BTNL2: variants seen among roughly 807,000 people sequenced by gnomAD.
The protein encoded by BTNL2 is butyrophilin like 2.
Under a neutral mutation model 46.8 loss-of-function variants are expected in BTNL2, and 46 were observed. The ratio of observed to expected loss-of-function variants is 0.98; its 90% CI spans 0.78 to 1.26. The LOEUF is 1.26. BTNL2 is among the 50% of genes most tolerant of loss of function. The pLI, the probability that BTNL2 is intolerant of heterozygous loss-of-function variation, is 0.00. For missense variants in BTNL2, 461 were observed against 592.6 expected (o/e 0.78, Z 2.31); for synonymous variants, 226 against 229.1 (o/e 0.99, Z 0.12).
rs1337840339 is a variant in BTNL2, at chr6:32,394,842, G to A, written c.1262C>T (p.Thr421Ile). The A allele has an allele frequency of 4.3e-5, 70 of 1,614,098 alleles. No homozygotes were observed. In the Admixed American group the frequency reaches 1.1e-3, roughly 26 times the overall value. ...QGSHGLFHVQTLLRVTNISAV... is the reference protein window; with the variant it reads ...QGSHGLFHVQILLRVTNISAV... ...GGAGATGTTTGTGACCCTTAGCAAT[G>A]TCTGCACGTGGAACAGCCCGTGGCT... is the stretch of plus-strand genomic sequence containing the variant. The change falls in exon 6 of 8, where the codon ACA becomes ATA. Residue 421 changes from threonine to isoleucine, a missense_variant. Physicochemically the swap from Thr to Ile is moderately conservative, Grantham distance 89. Transcript: ENST00000454136. The surrounding 1 kb of genome is among the most constrained non-coding windows in gnomAD (Gnocchi z 4.6).
At chr6:32,397,416 C>A (rs940043246) in intron 4 of BTNL2, among the ~76,000 whole-genome samples, 5 of 152,182 alleles carry the variant, frequency 3.3e-5, no homozygotes, top group African/African-American at 1.2e-4. Flanking sequence ...ATTTTCTGTC[C>A]ATAAATGCTG....
chr6:32,401,930 A>T, intron 3 of BTNL2, 125 bp from the exon 4 acceptor site: 1 of 673,482 alleles, frequency 1.5e-6, no homozygotes, highest in Non-Finnish European at 2.3e-6. Flanking sequence ...AAAAAATGAA[A>T]TGCAGAAAAA....
chr6:32,394,499 C>T lies in BTNL2; in HGVS notation c.1360+245G>A, dbSNP rs983934856. 1.3e-4 allele frequency among the ~76,000 whole-genome samples: 20 copies of T among 152,088 alleles called. No individual in the cohort carries two copies. Among genetic ancestry groups the T allele is most frequent in the African/African-American group, 4.6e-4 (19 of 41,396 alleles). ...GAGAGAGTGAAAACAGGGTCAATTACGAGAATTTAGTGTGTATCCAATGAT... is the reference window on the plus strand; with the variant it reads ...GAGAGAGTGAAAACAGGGTCAATTATGAGAATTTAGTGTGTATCCAATGAT... On this transcript the variant is annotated intron_variant, in intron 6 of 7. Coordinates refer to ENST00000454136, the MANE Select transcript of BTNL2 (RefSeq NM_001304561.2). This position sits in a 1 kb window ranked among gnomAD's most constrained non-coding sequence, Gnocchi z 4.6.
intron 3 of BTNL2, 24 bp downstream of exon 3, chr6:32,402,911 G>C: frequency 1.2e-6 from 2 of 1,607,550 alleles, no homozygotes; most frequent in Non-Finnish European, 1.7e-6. Context: ...CTGAGCATGT[G>C]GGTCCTAGAG....
intron 1 of BTNL2, 32 bp downstream of exon 1, chr6:32,407,013 G>A (rs754015601): frequency 1.2e-5 from 19 of 1,598,446 alleles, no homozygotes; most frequent in Admixed American, 1.7e-5. Context: ...TGGGACATTA[G>A]ACTATACAGT....
chr6:32,396,274 C>T lies in BTNL2; in HGVS notation c.843G>A (p.Arg281=), dbSNP rs1263253503. ...CAGGGTAACGGTGGGATCGGTCCCA[C>T]CTCACCTCCATGCTCTGTGCATTCG... ...PKANAQSMEV[R]WDRSHRYPAV... is the part of the protein sequence containing the mutation. The change falls in exon 5 of 8, where the codon AGG becomes AGA. Residue 281 remains arginine, a synonymous_variant. Coordinates refer to ENST00000454136, the MANE Select transcript of BTNL2 (RefSeq NM_001304561.2). The surrounding 1 kb of genome is among the most constrained non-coding windows in gnomAD (Gnocchi z 4.4). 6 of 1,613,064 alleles carry T rather than the reference C, an allele frequency of 3.7e-6. No individual in the cohort carries two copies. In the South Asian group the frequency reaches 6.6e-5, roughly 18 times the overall value.
intron 4 of BTNL2, among the ~76,000 whole-genome samples, chr6:32,400,912 C>CA (rs760395296): frequency 0.023 from 2,151 of 93,790 alleles, 109 homozygotes; most frequent in African/African-American, 0.076. Context: ...GACTCCGTCT[C>CA]AAAAAAAAAA....
Position 32,393,689 on chromosome 6 carries a change from TCCC to T in BTNL2, c.*6+271_*6+273del, listed in dbSNP as rs72055411. The T allele has an allele frequency of 3.2e-6, 1 of 308,986 alleles. No individual in the cohort carries two copies. The allele number at this position is 308,986 out of a possible 1,614,324, so 19.1% of individuals were successfully genotyped here. A position where few individuals can be genotyped will look rare whatever the true frequency, so the allele number is the denominator to read the frequency against. On this transcript the variant is annotated intron_variant, in intron 7 of 7. Transcript: ENST00000454136. This position sits in a 1 kb window ranked among gnomAD's most constrained non-coding sequence, Gnocchi z 4.8. ...GTACTACTCACTTTTTTCTTCTTCT[TCCC>T]TAACCAGATCACTGGGGAATGGGCA...
At chr6:32,402,435 A>T (rs1034617561) in intron 3 of BTNL2, among the ~76,000 whole-genome samples, 1 of 151,924 alleles carries the variant, frequency 6.6e-6, no homozygotes, top group Non-Finnish European at 1.5e-5. Context: ...AAAATTATTT[A>T]AAAATATCTT....
In BTNL2 at chr6:32,396,045, C is replaced by T. The variant is rs1359579436; in HGVS notation, c.1072G>A (p.Val358Met). The change falls in exon 5 of 8, where the codon GTG becomes ATG. Residue 358 changes from valine to methionine, a missense_variant. By Grantham distance (21) the Val-to-Met change is conservative (BLOSUM62 1). Coordinates refer to ENST00000454136, the MANE Select transcript of BTNL2 (RefSeq NM_001304561.2). This position sits in a 1 kb window ranked among gnomAD's most constrained non-coding sequence, Gnocchi z 4.4. ...VYQEASLDLK[V>M]VSLGSSPLIT... ...ATCTATCTAGAATTCTTACTTACCA[C>T]CTTCAGATCCAAACTGGCCTCCTGG... 1 of 1,610,798 alleles carries T rather than the reference C, an allele frequency of 6.2e-7. No homozygotes were observed. The highest frequency in any genetic ancestry group is 8.5e-7 in the Non-Finnish European group (1 of 1,178,400).
At position 32,396,322 on chromosome 6, in the gene BTNL2, T is replaced by G; in HGVS notation, c.795A>C (p.Leu265=). The G allele has an allele frequency of 6.2e-7, 1 of 1,612,808 alleles. No homozygotes were observed. The highest frequency in any genetic ancestry group is 1.1e-5 in the South Asian group (1 of 91,086). The change falls in exon 5 of 8, where the codon CTA becomes CTC. Residue 265 remains leucine, a synonymous_variant. Transcript: ENST00000454136. The surrounding 1 kb of genome is among the most constrained non-coding windows in gnomAD (Gnocchi z 4.4). ...ILVRVGEDIQ[L]TCYLSPKANA... Reference sequence around the variant, plus strand: ...TCGCCTTGGGGGACAGGTAACAGGTTAGCTGTATATCTTCTCCCACTCTGA... The same window carrying G: ...TCGCCTTGGGGGACAGGTAACAGGTGAGCTGTATATCTTCTCCCACTCTGA...
At chr6:32,401,519 G>A (rs1219389645) in intron 4 of BTNL2, among the ~76,000 whole-genome samples, 2 of 152,142 alleles carry the variant, frequency 1.3e-5, no homozygotes, top group Non-Finnish European at 2.9e-5. Flanking sequence ...ACATAGAACA[G>A]AGATGATGCC....
rs41355746 is a variant in BTNL2 at position 32,396,275 on chromosome 6, C to T, written c.842G>A (p.Arg281Lys). The T allele has an allele frequency of 0.015, 24,404 of 1,613,022 alleles. 1,124 individuals are homozygous for T. In the East Asian group the frequency reaches 0.16, roughly 10 times the overall value. Residue 281 changes from arginine (R) to lysine (K), a missense_variant, in exon 5 of 8, where the codon AGG becomes AAG. Transcript: ENST00000454136. This position sits in a 1 kb window ranked among gnomAD's most constrained non-coding sequence, Gnocchi z 4.4. The stretch of plus-strand genomic sequence containing the variant: ...AGGGTAACGGTGGGATCGGTCCCAC[C>T]TCACCTCCATGCTCTGTGCATTCGC... Reference protein sequence around the residue: ...PKANAQSMEVRWDRSHRYPAV... With the variant: ...PKANAQSMEVKWDRSHRYPAV...
rs117479358 is a variant in BTNL2, at chr6:32,395,143, G to T, written c.1079-118C>A. On this transcript the variant is annotated intron_variant, in intron 5 of 7. Coordinates refer to ENST00000454136, the MANE Select transcript of BTNL2 (RefSeq NM_001304561.2). ...CTTGGGGAAGGGAGAAAAGCTTAAG[G>T]GGGATTGCACTCCACTTAGGGATGA... 16,021 of 1,031,882 alleles carry T rather than the reference G, an allele frequency of 0.016. 826 individuals carry two copies. The East Asian group carries it at 0.16, about 10-fold the overall frequency. 63.9% of individuals were successfully genotyped at this position (1,031,882 alleles called of 1,614,324 possible). A position where few individuals can be genotyped will look rare whatever the true frequency, so the allele number is the denominator to read the frequency against.
chr6:32,400,039 G>A (rs1776656842), intron 4 of BTNL2, among the ~76,000 whole-genome samples: 1 of 152,252 alleles, frequency 6.6e-6, no homozygotes, highest in Non-Finnish European at 1.5e-5. Context: ...GTCTCCAGTG[G>A]GTCTCAGAGA....
In BTNL2 at chr6:32,396,458, C is replaced by G. The variant is rs762818915; in HGVS notation, c.731-72G>C. 19 of 1,411,758 alleles carry G rather than the reference C, an allele frequency of 1.3e-5. No individual in the cohort carries two copies. Among genetic ancestry groups the G allele is most frequent in the Non-Finnish European group, 1.8e-5 (19 of 1,027,572 alleles). The allele number at this position is 1,411,758 out of a possible 1,614,324, so 87.5% of individuals were successfully genotyped here. The stretch of plus-strand genomic sequence containing the variant: ...CCAATAATGTCATCTCTAAGAACAG[C>G]TCCATTGGAGTTTAGAAACCATGAG... On this transcript the variant is annotated intron_variant, in intron 4 of 7. Transcript: ENST00000454136. The surrounding 1 kb of genome is among the most constrained non-coding windows in gnomAD (Gnocchi z 4.4).
Position 32,396,121 on chromosome 6 carries a change from T to C in BTNL2, c.996A>G (p.Arg332=), listed in dbSNP as rs749957288. ...AGCGGTACTGCCCGTCGTCCGAAGGTCTGGCACTGAGTATCTGCAGGGTCA... is the reference window on the plus strand; with the variant it reads ...AGCGGTACTGCCCGTCGTCCGAAGGCCTGGCACTGAGTATCTGCAGGGTCA... ...GRLTLQILSA[R]PSDDGQYRCL... Residue 332 remains arginine (R), a synonymous_variant, in exon 5 of 8, where the codon AGA becomes AGG. Coordinates refer to ENST00000454136, the MANE Select transcript of BTNL2 (RefSeq NM_001304561.2). This position sits in a 1 kb window ranked among gnomAD's most constrained non-coding sequence, Gnocchi z 4.4. 6.2e-7 allele frequency: 1 copy of C among 1,613,102 alleles called. No homozygotes were observed. The highest frequency in any genetic ancestry group is 1.7e-5 in the Admixed American group (1 of 60,030).
Position 32,396,997 on chromosome 6 carries a change from C to G in BTNL2, c.731-611G>C, listed in dbSNP as rs1443418846. Among the ~76,000 whole-genome samples the G allele has an allele frequency of 6.6e-6, 1 of 151,358 alleles. No homozygotes were observed. The highest frequency in any genetic ancestry group is 1.5e-5 in the Non-Finnish European group (1 of 67,880). ...TTTAAAAACAAACAAACAAAAAACA[C>G]CCAGAATAAAGTGAACAGTTTATAA... On this transcript the variant is annotated intron_variant, in intron 4 of 7. Coordinates refer to ENST00000454136, the MANE Select transcript of BTNL2 (RefSeq NM_001304561.2). The surrounding 1 kb of genome is among the most constrained non-coding windows in gnomAD (Gnocchi z 4.4).
rs959047027 is a variant in BTNL2, at chr6:32,403,343, G to A, written c.428-127C>T. The stretch of plus-strand genomic sequence containing the variant: ...TCAGGAGTCTGAGGAGCAGAAAGTC[G>A]ACCTCAGTCTCCCCATTCAAATGTG... On this transcript the variant is annotated intron_variant, in intron 2 of 7. Transcript: ENST00000454136. 1.8e-5 allele frequency: 18 copies of A among 989,794 alleles called. No homozygotes were observed. In the South Asian group the frequency reaches 2.7e-4, roughly 15 times the overall value. 61.3% of individuals were successfully genotyped at this position (989,794 alleles called of 1,614,324 possible).
Sources: allele counts gnomAD v4.1 joint callset (sites outside exome capture counted in the v4.1 genomes callset), GRCh38; gene constraint gnomAD v4.1.1; non-coding constraint Gnocchi (gnomAD v3.1); transcripts MANE v1.5; gene names NCBI Gene and HGNC (gene_info 2026-07-23, HGNC 2026-07-21).